The following GOLGA3 variants were observed in gnomAD, a reference collection of about 807,000 sequenced individuals.
GOLGA3 encodes the protein golgin A3.
In GOLGA3, 75 loss-of-function variants were observed where a neutral mutation model predicts 169.4. The ratio of observed to expected loss-of-function variants is 0.44; its 90% CI spans 0.37 to 0.54. The LOEUF is 0.54. Ranked by LOEUF, GOLGA3 falls within the 20% of genes least tolerant of loss-of-function variation. GOLGA3 has a pLI of 0.00. For synonymous variants in GOLGA3, 824 were observed against 822.4 expected (o/e 1.00, Z -0.03); for missense variants, 1,899 against 1,930.0 (o/e 0.98, Z 0.30).
intron 18 of GOLGA3, among the ~76,000 whole-genome samples, chr12:132,778,934 C>T (rs76730428): frequency 1.1e-3 from 166 of 152,010 alleles, no homozygotes; most frequent in African/African-American, 3.8e-3. Context: ...ACCCTAAGCA[C>T]GGAGCGAAAG....
rs539523736 is a variant in GOLGA3 at position 132,801,356 on chromosome 12, A to T, written c.1800+411T>A. On this transcript the variant is annotated intron_variant, in intron 8 of 23. Transcript: ENST00000450791. The stretch of plus-strand genomic sequence containing the variant: ...CACTGGCACCGCACGCCTGTGAGAC[A>T]TCACAGCAGAGTGGGGAGGCTGAGG... Among the ~76,000 whole-genome samples the T allele has an allele frequency of 3.3e-5, 5 of 152,218 alleles. No homozygotes were observed. In the East Asian group the frequency reaches 9.7e-4, roughly 29 times the overall value.
chr12:132,774,452 C>G, intron 22 of GOLGA3, 132 bp from the exon 23 acceptor site: 6 of 970,570 alleles, frequency 6.2e-6, no homozygotes, highest in Non-Finnish European at 9.3e-6. Flanking sequence ...CCGTCCTGGC[C>G]GCCGTGGCAG....
chr12:132,808,248 T>G lies in GOLGA3; in HGVS notation c.821A>C (p.Lys274Thr). The change falls in exon 5 of 24, where the codon AAG becomes ACG. Residue 274 changes from lysine (K) to threonine (T), a missense_variant. By Grantham distance (78) the Lys-to-Thr change is moderately conservative (BLOSUM62 -1). Transcript: ENST00000450791. Reference sequence around the variant, plus strand: ...GGACGCCGCACTGCTTCTGTTCTGCTTCAGGGAACCCTTGGTAGAATCGGG... The same window carrying G: ...GGACGCCGCACTGCTTCTGTTCTGCGTCAGGGAACCCTTGGTAGAATCGGG... ...PAPDSTKGSL[K>T]QNRSSAASVV... 6.2e-7 allele frequency: 1 copy of G among 1,614,116 alleles called. No individual in the cohort carries two copies. The highest frequency in any genetic ancestry group is 8.5e-7 in the Non-Finnish European group (1 of 1,180,020).
In GOLGA3 at chr12:132,796,208, A is replaced by C; in HGVS notation, c.2113T>G (p.Leu705Val). Residue 705 changes from leucine (L) to valine (V), a missense_variant, in exon 11 of 24, where the codon TTA (leucine) becomes GTA (valine). Transcript: ENST00000450791. ...EQQLEQVKLT[L>V]LQRDQQLEAL... ...TCAAGCTGCTGGTCTCGCTGGAGTA[A>C]AGTCAACTTCACCTGGAGAAGGAAT... is the stretch of plus-strand genomic sequence containing the variant. 6.3e-7 allele frequency: 1 copy of C among 1,589,058 alleles called. No individual in the cohort carries two copies. The highest frequency in any genetic ancestry group is 8.6e-7 in the Non-Finnish European group (1 of 1,163,866).
chr12:132,796,513 C>T (rs1948847612), intron 10 of GOLGA3, 26 bp downstream of exon 10: 2 of 1,596,450 alleles, frequency 1.3e-6, no homozygotes, highest in Non-Finnish European at 1.7e-6. Flanking sequence ...GGCCTGGGTC[C>T]AGCCTGAAGG....
chr12:132,821,196 T>TGGGA (rs1191491356), intron 2 of GOLGA3, among the ~76,000 whole-genome samples: 1 of 145,098 alleles, frequency 6.9e-6, no homozygotes, highest in Admixed American at 6.9e-5. Flanking sequence ...CACCTGAGGT[T>TGGGA]GGGAGTTCGT....
In GOLGA3 at chr12:132,786,414, G is replaced by C. The variant is rs2045902162; in HGVS notation, c.3048C>G (p.Ala1016=). 1 of 1,613,074 alleles carries C rather than the reference G, an allele frequency of 6.2e-7. No homozygotes were observed. The highest frequency in any genetic ancestry group is 1.3e-5 in the African/African-American group (1 of 74,882). ...LSRRLQEALA[A]KEAADAELGQ... ...CCAGCTCCGCGTCCGCAGCCTCCTT[G>C]GCCGCGAGGGCCTCCTGCAGGCGGC... Residue 1016 remains alanine, a synonymous_variant, in exon 15 of 24, where the codon GCC becomes GCG. Coordinates refer to ENST00000450791, the MANE Select transcript of GOLGA3 (RefSeq NM_001389683.1).
intron 10 of GOLGA3, 107 bp downstream of exon 10, chr12:132,796,432 C>T (rs753046637): frequency 1.8e-5 from 24 of 1,323,680 alleles, no homozygotes; most frequent in African/African-American, 2.9e-5. Flanking sequence ...CCCACCTGAG[C>T]GGACGTGGCC....
intron 6 of GOLGA3, 151 bp downstream of exon 6, chr12:132,807,026 C>G: frequency 3.6e-6 from 2 of 550,892 alleles, no homozygotes; most frequent in Non-Finnish European, 6.6e-6. Context: ...GACAAGTAGA[C>G]AAAAAACGTA....
chr12:132,819,531 A>G (rs1950125579), intron 2 of GOLGA3, among the ~76,000 whole-genome samples: 1 of 152,234 alleles, frequency 6.6e-6, no homozygotes, highest in Admixed American at 6.5e-5. Context: ...TCCGTCTCAA[A>G]AAAAGAAAAG....
intron 11 of GOLGA3, among the ~76,000 whole-genome samples, chr12:132,794,917 G>C (rs1948755214): frequency 6.6e-6 from 1 of 152,126 alleles, no homozygotes; most frequent in South Asian, 2.1e-4. Context: ...AGACAGAATA[G>C]GTGGCTCACA....
At position 132,796,570 on chromosome 12, in the gene GOLGA3, G is replaced by A. The variant is rs772586724; in HGVS notation, c.2069C>T (p.Ser690Leu). The change falls in exon 10 of 24, where the codon TCG becomes TTG. Residue 690 changes from serine to leucine, a missense_variant. By Grantham distance (145) the Ser-to-Leu change is moderately radical. Transcript: ENST00000450791. ...ERERLQRMAD[S>L]AASLEQQLEQ... ...CAGCTGCTGCTCCAGGGATGCCGCC[G>A]AGTCCGCCATCCTCTGCAGCCGCTC... The A allele has an allele frequency of 7.4e-6, 12 of 1,612,704 alleles. No individual in the cohort carries two copies. Among genetic ancestry groups the A allele is most frequent in the Middle Eastern group, 1.6e-4 (1 of 6,082 alleles).
At chr12:132,801,522 G>A (rs1295982192) in intron 8 of GOLGA3, among the ~76,000 whole-genome samples, 1 of 152,170 alleles carries the variant, frequency 6.6e-6, no homozygotes, top group East Asian at 1.9e-4. Flanking sequence ...AGCAAGAGAG[G>A]CTTTGGAACT....
chr12:132,824,930 G>A (rs1425070678), intron 1 of GOLGA3, among the ~76,000 whole-genome samples: 1 of 152,210 alleles, frequency 6.6e-6, no homozygotes, highest in African/African-American at 2.4e-5. Flanking sequence ...TGGGAATGGA[G>A]AAGACACCCA....
At position 132,801,082 on chromosome 12, in the gene GOLGA3, C is replaced by T. The variant is rs530606087; in HGVS notation, c.1800+685G>A. The stretch of plus-strand genomic sequence containing the variant: ...AGGTTCACTCGAACCATTCGCCTGT[C>T]GGTCTGGGCGTCTCCAGCACACGAA... On this transcript the variant is annotated intron_variant, in intron 8 of 23. Coordinates refer to ENST00000450791, the MANE Select transcript of GOLGA3 (RefSeq NM_001389683.1). 5.9e-5 allele frequency among the ~76,000 whole-genome samples: 9 copies of T among 152,388 alleles called. No homozygotes were observed. The South Asian group carries it at 1.2e-3, about 21-fold the overall frequency.
intron 9 of GOLGA3, among the ~76,000 whole-genome samples, chr12:132,797,580 C>T (rs527895151): frequency 3.9e-5 from 6 of 152,172 alleles, no homozygotes; most frequent in South Asian, 4.2e-4. Context: ...GGTATGGTGA[C>T]GAGTGCCTGT....
chr12:132,787,456 A>AG (rs1348600860), intron 13 of GOLGA3, among the ~76,000 whole-genome samples: 1 of 128,272 alleles, frequency 7.8e-6, no homozygotes, highest in Non-Finnish European at 1.6e-5. Context: ...GACCCCTCCT[A>AG]GGAAACCCCA....
chr12:132,796,360 C>CACAGGGT (rs929566080), intron 10 of GOLGA3, 140 bp from the exon 11 acceptor site: 2 of 1,230,184 alleles, frequency 1.6e-6, no homozygotes, highest in Non-Finnish European at 2.2e-6. Flanking sequence ...TATAGAAGAA[C>CACAGGGT]CAGCAGGGCA....
chr12:132,809,392 C>CCCCGGGTG lies in GOLGA3; in HGVS notation c.520-844_520-843insCACCCGGG, dbSNP rs1323268079. Among the ~76,000 whole-genome samples the CCCCGGGTG allele has an allele frequency of 4.6e-5, 7 of 152,300 alleles. No individual in the cohort carries two copies. In the East Asian group the frequency reaches 9.6e-4, roughly 21 times the overall value. On this transcript the variant is annotated intron_variant, in intron 4 of 23. Coordinates refer to ENST00000450791, the MANE Select transcript of GOLGA3 (RefSeq NM_001389683.1). Reference sequence around the variant, plus strand: ...ACAAGAGGTGGAGGAGCAGAGTCTTCTCTAAACTCCCCCGGGGAAAGGGAG... The same window carrying CCCCGGGTG: ...ACAAGAGGTGGAGGAGCAGAGTCTTCCCCGGGTGTCTAAACTCCCCCGGGGAAAGGGAG...
Sources: gnomAD v4.1 joint callset for allele counts (sites outside exome capture counted in the v4.1 genomes callset) on GRCh38, gnomAD v4.1.1 for gene constraint, MANE v1.5 for transcripts, NCBI Gene and HGNC (gene_info 2026-07-23, HGNC 2026-07-21) for gene names.